Variants in CEBPE observed in about 807,000 individuals in gnomAD.
CEBPE encodes the protein CCAAT/enhancer-binding protein epsilon.
Under a neutral mutation model 20.4 loss-of-function variants are expected in CEBPE, and 10 were observed. That is an observed-to-expected ratio of 0.49 (90% confidence interval 0.30 to 0.83). The LOEUF (loss-of-function observed/expected upper bound fraction) is 0.83, where lower values mean the gene tolerates loss of function less well. CEBPE is among the 40% of genes least tolerant of loss of function. The pLI, the probability that CEBPE is intolerant of heterozygous loss-of-function variation, is 0.06. For missense variants in CEBPE, 389 were observed against 383.3 expected (o/e 1.01, Z -0.12); for synonymous variants, 179 against 162.6 (o/e 1.10, Z -0.77).
chr14:23,118,465 C>G lies in CEBPE; in HGVS notation c.510+117G>C, dbSNP rs2048520291. Reference sequence around the variant, plus strand: ...GAACACAGAGGACTGTGGGTTGGGTCCATTTCACAGAGCGACACCAAGCAC... The same window carrying G: ...GAACACAGAGGACTGTGGGTTGGGTGCATTTCACAGAGCGACACCAAGCAC... On this transcript the variant is annotated intron_variant, in intron 1 of 1. Transcript: ENST00000206513. This position sits in a 1 kb window ranked among gnomAD's most constrained non-coding sequence, Gnocchi z 5.5. The G allele has an allele frequency of 3.8e-6, 5 of 1,314,168 alleles. No homozygotes were observed. The highest frequency in any genetic ancestry group is 5.1e-6 in the Non-Finnish European group (5 of 975,552). The allele number at this position is 1,314,168 out of a possible 1,614,324, so 81.4% of individuals were successfully genotyped here.
intron 1 of CEBPE, 140 bp from the exon 2 acceptor site, chr14:23,117,962 G>A (rs998489439): frequency 1.5e-5 from 10 of 651,510 alleles, no homozygotes; most frequent in Non-Finnish European, 2.6e-5. Flanking sequence ...CTGTCTCTCA[G>A]GTCAAAACTA....
Position 23,119,035 on chromosome 14 carries a change from C to A in CEBPE, c.57G>T (p.Glu19Asp), listed in dbSNP as rs2048525027. The A allele has an allele frequency of 6.2e-7, 1 of 1,612,526 alleles. No homozygotes were observed. Among genetic ancestry groups the A allele is most frequent in the Admixed American group, 1.7e-5 (1 of 59,986 alleles). Residue 19 changes from glutamate (E) to aspartate (D), a missense_variant, in exon 1 of 2, where the codon GAG (glutamate) becomes GAT (aspartate). Around this residue, in one of 3 missense-constraint regions of CEBPE, gnomAD observed 294 missense variants for 279.7 expected, o/e 1.05. Coordinates refer to ENST00000206513, the MANE Select transcript of CEBPE (RefSeq NM_001805.4). Reference sequence around the variant, plus strand: ...CGGGCCCAGCTCGGCCCCCTGAGAACTCGAGTGGCTGCTGGCCACCCCGGG... The same window carrying A: ...CGGGCCCAGCTCGGCCCCCTGAGAAATCGAGTGGCTGCTGGCCACCCCGGG... ...CEPRGGQQPLEFSGGRAGPGE... is the reference protein window; with the variant it reads ...CEPRGGQQPLDFSGGRAGPGE...
At position 23,117,499 on chromosome 14, in the gene CEBPE, C is replaced by T; in HGVS notation, c.834G>A (p.Gly278=). The T allele has an allele frequency of 6.2e-7, 1 of 1,612,452 alleles. No homozygotes were observed. Among genetic ancestry groups the T allele is most frequent in the South Asian group, 1.1e-5 (1 of 90,830 alleles). The change falls in exon 2 of 2, where the codon GGG becomes GGA. Residue 278 remains glycine (G), a synonymous_variant. Coordinates refer to ENST00000206513, the MANE Select transcript of CEBPE (RefSeq NM_001805.4). ...PEAANLIKGV[G]GCS is the part of the protein sequence containing the mutation. ...CCACCAGCCAGCCTCAGCTGCAACC[C>T]CCCACGCCCTTGATGAGGTTGGCCG...
At chr14:23,117,846 CG>C (rs1566773187) in intron 1 of CEBPE, 24 bp from the exon 2 acceptor site, 2 of 1,571,896 alleles carry the variant, frequency 1.3e-6, no homozygotes, top group African/African-American at 2.7e-5. Context: ...CACGGAGAGA[CG>C]GAGAGGTGAG....
At position 23,118,722 on chromosome 14, in the gene CEBPE, G is replaced by A. The variant is rs568771055; in HGVS notation, c.370C>T (p.Pro124Ser). Residue 124 changes from proline (P) to serine (S), a missense_variant, in exon 1 of 2, where the codon CCC (proline) becomes TCC (serine). Coordinates refer to ENST00000206513, the MANE Select transcript of CEBPE (RefSeq NM_001805.4). This position sits in a 1 kb window ranked among gnomAD's most constrained non-coding sequence, Gnocchi z 5.5. ...DPRAVAVKEEPRGPEGSRAAS... is the reference protein window; with the variant it reads ...DPRAVAVKEESRGPEGSRAAS... ...GCTCGGCTGCCCTCTGGCCCCCGGG[G>A]CTCCTCCTTCACCGCCACAGCCCTG... 1 of 1,613,390 alleles carries A rather than the reference G, an allele frequency of 6.2e-7. No individual in the cohort carries two copies. Among genetic ancestry groups the A allele is most frequent in the Non-Finnish European group, 8.5e-7 (1 of 1,179,854 alleles).
chr14:23,119,108 C>T lies in CEBPE; in HGVS notation c.-17G>A, dbSNP rs553721511. On this transcript the variant is annotated 5_prime_UTR_variant, in exon 1 of 2. Coordinates refer to ENST00000206513, the MANE Select transcript of CEBPE (RefSeq NM_001805.4). ...GTGGGACATGGCCGGCCCGCCCCCT[C>T]GGCTCCCCGCCCCCACCTGCTCTTG... 119 of 1,555,688 alleles carry T rather than the reference C, an allele frequency of 7.6e-5. No homozygotes were observed. In the African/African-American group the frequency reaches 9.7e-4, roughly 13 times the overall value.
chr14:23,118,183 C>T lies in CEBPE; in HGVS notation c.511-361G>A, dbSNP rs1043927090. ...GCGCTGGGATTACAGGCATGAGCCA[C>T]GACACCCAGCCAATGCTCTCACACT... On this transcript the variant is annotated intron_variant, in intron 1 of 1. Transcript: ENST00000206513. This position sits in a 1 kb window ranked among gnomAD's most constrained non-coding sequence, Gnocchi z 5.5. 5.3e-5 allele frequency among the ~76,000 whole-genome samples: 8 copies of T among 152,124 alleles called. No individual in the cohort carries two copies. Among genetic ancestry groups the T allele is most frequent in the Non-Finnish European group, 1.2e-4 (8 of 68,026 alleles).
At chr14:23,117,848 G>A in intron 1 of CEBPE, 26 bp from the exon 2 acceptor site, 1 of 1,566,524 alleles carries the variant, frequency 6.4e-7, no homozygotes. Flanking sequence ...CGGAGAGACG[G>A]AGAGGTGAGG....
Position 23,119,095 on chromosome 14 carries a change from C to A in CEBPE, c.-4G>T. 1 of 1,590,534 alleles carries A rather than the reference C, an allele frequency of 6.3e-7. No homozygotes were observed. The highest frequency in any genetic ancestry group is 8.5e-7 in the Non-Finnish European group (1 of 1,171,344). ...CGTAGTAGGTCCCGTGGGACATGGC[C>A]GGCCCGCCCCCTCGGCTCCCCGCCC... On this transcript the variant is annotated 5_prime_UTR_variant, in exon 1 of 2. Coordinates refer to ENST00000206513, the MANE Select transcript of CEBPE (RefSeq NM_001805.4).
rs1648038715 is a variant in CEBPE at position 23,118,831 on chromosome 14, G to A, written c.261C>T (p.Pro87=). The change falls in exon 1 of 2, where the codon CCC becomes CCT. Residue 87 remains proline (P), a synonymous_variant. Coordinates refer to ENST00000206513, the MANE Select transcript of CEBPE (RefSeq NM_001805.4). The surrounding 1 kb of genome is among the most constrained non-coding windows in gnomAD (Gnocchi z 5.5). ...CGAAGGTATGTGGAGGGTAGGCAAA[G>A]GGCCGAGGGTCAGGCGGCAAGTAGT... ...FPHYLPPDPR[P]FAYPPHTFGP... is the part of the protein sequence containing the mutation. 7 of 1,613,920 alleles carry A rather than the reference G, an allele frequency of 4.3e-6. No homozygotes were observed. Among genetic ancestry groups the A allele is most frequent in the Non-Finnish European group, 5.9e-6 (7 of 1,179,910 alleles).
At position 23,117,518 on chromosome 14, in the gene CEBPE, T is replaced by C. The variant is rs771232876; in HGVS notation, c.815A>G (p.Asn272Ser). The C allele has an allele frequency of 3.1e-6, 5 of 1,613,440 alleles. No homozygotes were observed. Among genetic ancestry groups the C allele is most frequent in the African/African-American group, 2.7e-5 (2 of 74,892 alleles). Residue 272 changes from asparagine to serine, a missense_variant, in exon 2 of 2, where the codon AAC (asparagine) becomes AGC (serine). By Grantham distance (46) the Asn-to-Ser change is conservative. Transcript: ENST00000206513. ...GCAACCCCCCACGCCCTTGATGAGG[T>C]TGGCCGCCTCAGGAATCTGGCGGAA... ...NLFRQIPEAA[N>S]LIKGVGGCS
Position 23,118,791 on chromosome 14 carries a change from C to T in CEBPE, c.301G>A (p.Ala101Thr), listed in dbSNP as rs942964077. 6.2e-7 allele frequency: 1 copy of T among 1,612,996 alleles called. No individual in the cohort carries two copies. Among genetic ancestry groups the T allele is most frequent in the South Asian group, 1.1e-5 (1 of 91,042 alleles). Reference protein sequence around the residue: ...PPHTFGPDRKALGPGIYSSPG... With the variant: ...PPHTFGPDRKTLGPGIYSSPG... ...CTGCTGTAGATGCCAGGCCCCAGCGCCTTCCTGTCTGGGCCGAAGGTATGT... is the reference window on the plus strand; with the variant it reads ...CTGCTGTAGATGCCAGGCCCCAGCGTCTTCCTGTCTGGGCCGAAGGTATGT... The change falls in exon 1 of 2, where the codon GCG becomes ACG. Residue 101 changes from alanine (A) to threonine (T), a missense_variant. Around this residue, in one of 3 missense-constraint regions of CEBPE, gnomAD observed 294 missense variants for 279.7 expected, o/e 1.05. Coordinates refer to ENST00000206513, the MANE Select transcript of CEBPE (RefSeq NM_001805.4). This position sits in a 1 kb window ranked among gnomAD's most constrained non-coding sequence, Gnocchi z 5.5.
chr14:23,117,660 C>T lies in CEBPE; in HGVS notation c.673G>A (p.Ala225Thr), dbSNP rs1180672712. The change falls in exon 2 of 2, where the codon GCC becomes ACC. Residue 225 changes from alanine (A) to threonine (T), a missense_variant. This residue lies in a region of CEBPE where 87 missense variants were observed against 78.5 expected (regional missense o/e 1.11). Transcript: ENST00000206513. Reference protein sequence around the residue: ...NIAVRKSRDKAKRRILETQQK... With the variant: ...NIAVRKSRDKTKRRILETQQK... ...TGCGTCTCCAGAATGCGCCTCTTGGCCTTGTCTCGGCTCTTGCGCACGGCG... is the reference window on the plus strand; with the variant it reads ...TGCGTCTCCAGAATGCGCCTCTTGGTCTTGTCTCGGCTCTTGCGCACGGCG... 6.2e-7 allele frequency: 1 copy of T among 1,614,232 alleles called. No individual in the cohort carries two copies. The highest frequency in any genetic ancestry group is 8.5e-7 in the Non-Finnish European group (1 of 1,180,046).
rs2048522709 is a variant in CEBPE at position 23,118,756 on chromosome 14, G to T, written c.336C>A (p.Ser112Arg). Reference protein sequence around the residue: ...LGPGIYSSPGSYDPRAVAVKE... With the variant: ...LGPGIYSSPGRYDPRAVAVKE... ...TCACCGCCACAGCCCTGGGGTCGTAGCTCCCTGGGCTGCTGTAGATGCCAG... is the reference window on the plus strand; with the variant it reads ...TCACCGCCACAGCCCTGGGGTCGTATCTCCCTGGGCTGCTGTAGATGCCAG... Residue 112 changes from serine to arginine, a missense_variant, in exon 1 of 2, where the codon AGC becomes AGA. This residue lies in a region of CEBPE where 294 missense variants were observed against 279.7 expected (regional missense o/e 1.05). Transcript: ENST00000206513. The surrounding 1 kb of genome is among the most constrained non-coding windows in gnomAD (Gnocchi z 5.5). 6.2e-7 allele frequency: 1 copy of T among 1,613,058 alleles called. No individual in the cohort carries two copies. The highest frequency in any genetic ancestry group is 8.5e-7 in the Non-Finnish European group (1 of 1,179,502).
In CEBPE at chr14:23,118,834, C is replaced by T. The variant is rs2048523278; in HGVS notation, c.258G>A (p.Arg86=). The T allele has an allele frequency of 6.2e-7, 1 of 1,613,892 alleles. No homozygotes were observed. The highest frequency in any genetic ancestry group is 8.5e-7 in the Non-Finnish European group (1 of 1,179,894). Residue 86 remains arginine, a synonymous_variant, in exon 1 of 2, where the codon CGG becomes CGA. Transcript: ENST00000206513. The surrounding 1 kb of genome is among the most constrained non-coding windows in gnomAD (Gnocchi z 5.5). ...AGGTATGTGGAGGGTAGGCAAAGGG[C>T]CGAGGGTCAGGCGGCAAGTAGTGGG... ...AFPHYLPPDP[R]PFAYPPHTFG... is the part of the protein sequence containing the mutation.
Position 23,117,473 on chromosome 14 carries a change from T to G in CEBPE, c.*14A>C, listed in dbSNP as rs2048513672. 5.0e-6 allele frequency: 8 copies of G among 1,604,496 alleles called. No homozygotes were observed. The highest frequency in any genetic ancestry group is 6.8e-6 in the Non-Finnish European group (8 of 1,176,436). On this transcript the variant is annotated 3_prime_UTR_variant, in exon 2 of 2. Coordinates refer to ENST00000206513, the MANE Select transcript of CEBPE (RefSeq NM_001805.4). The stretch of plus-strand genomic sequence containing the variant: ...GTGCCAGGGAGCCTGGTGCCCACAA[T>G]CCACCAGCCAGCCTCAGCTGCAACC...
In CEBPE at chr14:23,118,879, G is replaced by A. The variant is rs759592746; in HGVS notation, c.213C>T (p.Gly71=). ...AGTGGGGGAAGGCAGGGGTTCCGGG[G>A]CCCTTGAGGCCTCTGGCCTCAGGCG... ...KPAPEARGLK[G]PGTPAFPHYL... Residue 71 remains glycine, a synonymous_variant, in exon 1 of 2, where the codon GGC becomes GGT. Transcript: ENST00000206513. The surrounding 1 kb of genome is among the most constrained non-coding windows in gnomAD (Gnocchi z 5.5). 3 of 1,614,012 alleles carry A rather than the reference G, an allele frequency of 1.9e-6. No homozygotes were observed. Among genetic ancestry groups the A allele is most frequent in the East Asian group, 4.5e-5 (2 of 44,866 alleles).
chr14:23,117,731 T>C lies in CEBPE; in HGVS notation c.602A>G (p.Asn201Ser), dbSNP rs756759095. ...GPLHKGKKAV[N>S]KDSLEYRLRR... The stretch of plus-strand genomic sequence containing the variant: ...CAGCCGGTACTCAAGGCTATCTTTG[T>C]TCACTGCCTTCTTGCCCTTGTGTAA... Residue 201 changes from asparagine to serine, a missense_variant, in exon 2 of 2, where the codon AAC becomes AGC. Coordinates refer to ENST00000206513, the MANE Select transcript of CEBPE (RefSeq NM_001805.4). The C allele has an allele frequency of 9.9e-6, 16 of 1,614,022 alleles. No homozygotes were observed. The highest frequency in any genetic ancestry group is 1.4e-5 in the Non-Finnish European group (16 of 1,180,050).
chr14:23,118,885 G>C lies in CEBPE; in HGVS notation c.207C>G (p.Leu69=), dbSNP rs1255895675. Residue 69 remains leucine, a synonymous_variant, in exon 1 of 2, where the codon CTC becomes CTG. Coordinates refer to ENST00000206513, the MANE Select transcript of CEBPE (RefSeq NM_001805.4). The surrounding 1 kb of genome is among the most constrained non-coding windows in gnomAD (Gnocchi z 5.5). ...GGAAGGCAGGGGTTCCGGGGCCCTT[G>C]AGGCCTCTGGCCTCAGGCGCTGGCT... ...AVKPAPEARG[L]KGPGTPAFPH... is the part of the protein sequence containing the mutation. 3.7e-6 allele frequency: 6 copies of C among 1,614,066 alleles called. No individual in the cohort carries two copies. Among genetic ancestry groups the C allele is most frequent in the Non-Finnish European group, 5.1e-6 (6 of 1,179,984 alleles).
Sources: gnomAD v4.1 joint callset for allele counts (sites outside exome capture counted in the v4.1 genomes callset) on GRCh38, gnomAD v4.1.1 for gene constraint, gnomAD v4.1.1 regional missense constraint, Gnocchi (gnomAD v3.1) non-coding constraint, MANE v1.5 for transcripts, NCBI Gene and HGNC (gene_info 2026-07-23, HGNC 2026-07-21) for gene names.